The following HLCS variants were observed in gnomAD, a reference collection of about 807,000 sequenced individuals.
HLCS encodes the protein biotin--protein ligase.
In HLCS, 53 loss-of-function variants were observed where a neutral mutation model predicts 75.0. The ratio of observed to expected loss-of-function variants is 0.71; its 90% CI spans 0.57 to 0.89. The LOEUF is 0.89. Among genes scored for constraint, HLCS ranks in the 40% least tolerant of loss-of-function variants. HLCS has a pLI of 0.00. For missense variants in HLCS, 966 were observed against 1,074.0 expected (o/e 0.90, Z 1.41); for synonymous variants, 431 against 428.6 (o/e 1.01, Z -0.07).
In HLCS at chr21:36,750,446, G is replaced by GT. The variant is rs2089331376; in HGVS notation, c.*3799dup. 6.6e-6 allele frequency among the ~76,000 whole-genome samples: 1 copy of GT among 152,110 alleles called. No homozygotes were observed. The highest frequency in any genetic ancestry group is 2.4e-5 in the African/African-American group (1 of 41,412). Reference sequence around the variant, plus strand: ...CTGGGTGTGGAGGGCAGCGCGGAGGGTATCTGCAAGAGCCTGTATTTTCCG... The same window carrying GT: ...CTGGGTGTGGAGGGCAGCGCGGAGGGTTATCTGCAAGAGCCTGTATTTTCCG... On this transcript the variant is annotated 3_prime_UTR_variant, in exon 11 of 11. Coordinates refer to ENST00000674895, the MANE Select transcript of HLCS (RefSeq NM_001352514.2).
chr21:36,770,297 C>A (rs1426416891), intron 6 of HLCS, among the ~76,000 whole-genome samples: 1 of 151,932 alleles, frequency 6.6e-6, no homozygotes, highest in Non-Finnish European at 1.5e-5. Flanking sequence ...CAGGTGTGCA[C>A]CACCATGCCC....
intron 8 of HLCS, among the ~76,000 whole-genome samples, chr21:36,764,677 C>T (rs778910579): frequency 1.3e-5 from 2 of 151,990 alleles, no homozygotes; most frequent in Admixed American, 6.6e-5. Flanking sequence ...TGCACTCCAG[C>T]GTGGGTGACA....
intron 2 of HLCS, among the ~76,000 whole-genome samples, chr21:36,958,278 T>C (rs1022838740): frequency 7.7e-6 from 1 of 130,046 alleles, no homozygotes; most frequent in Non-Finnish European, 1.7e-5. Flanking sequence ...AGAAAGAAAA[T>C]TAGCCCTGAG....
chr21:36,877,841 T>G (rs185030357), intron 6 of HLCS, among the ~76,000 whole-genome samples: 16 of 152,328 alleles, frequency 1.1e-4, no homozygotes, highest in Admixed American at 1.0e-3. Flanking sequence ...AACATTTTGT[T>G]GGATATGGAA....
chr21:36,849,694 C>G (rs1353691786), intron 6 of HLCS, among the ~76,000 whole-genome samples: 1 of 152,250 alleles, frequency 6.6e-6, no homozygotes, highest in Non-Finnish European at 1.5e-5. Context: ...CTGTCTTTGG[C>G]TTCTGGCTTG....
At chr21:36,857,570 T>C (rs1421585269) in intron 6 of HLCS, among the ~76,000 whole-genome samples, 1 of 152,146 alleles carries the variant, frequency 6.6e-6, no homozygotes, top group East Asian at 1.9e-4. Flanking sequence ...CATGCCAATG[T>C]CCTCACATCG....
chr21:36,945,973 A>G (rs1353730134), intron 2 of HLCS: 3 of 243,566 alleles, frequency 1.2e-5, no homozygotes, highest in Admixed American at 6.5e-5. Context: ...CCATGCTTCA[A>G]TGTCCTGTCT....
chr21:36,959,319 C>T (rs2068148370), intron 2 of HLCS, among the ~76,000 whole-genome samples: 1 of 152,200 alleles, frequency 6.6e-6, no homozygotes, highest in African/African-American at 2.4e-5. Context: ...GCCACCTCAG[C>T]CCCCCTCTAG....
intron 6 of HLCS, among the ~76,000 whole-genome samples, chr21:36,895,061 G>A (rs544218021): frequency 3.3e-5 from 5 of 149,810 alleles, no homozygotes; most frequent in East Asian, 1.9e-4. Context: ...TCTTGGTGAC[G>A]CGCTGCCCTC....
intron 6 of HLCS, among the ~76,000 whole-genome samples, chr21:36,799,630 G>A (rs1419041554): frequency 1.3e-5 from 2 of 152,110 alleles, no homozygotes; most frequent in African/African-American, 4.8e-5. Context: ...AGAAGGGAAG[G>A]GGCTGCGGCC....
intron 2 of HLCS, among the ~76,000 whole-genome samples, chr21:36,954,377 G>T (rs897635544): frequency 2.6e-5 from 4 of 152,040 alleles, no homozygotes; most frequent in Non-Finnish European, 5.9e-5. Context: ...CACTTTGGGA[G>T]GCTGAGGCAG....
At chr21:36,871,486 C>T (rs2063767820) in intron 6 of HLCS, among the ~76,000 whole-genome samples, 1 of 152,082 alleles carries the variant, frequency 6.6e-6, no homozygotes, top group South Asian at 2.1e-4. Flanking sequence ...CCACAGACGG[C>T]CCTTTATCAG....
chr21:36,822,423 C>CT (rs1455845587), intron 6 of HLCS, among the ~76,000 whole-genome samples: 2 of 151,874 alleles, frequency 1.3e-5, no homozygotes, highest in South Asian at 2.1e-4. Context: ...GAGCAAGACT[C>CT]TGTCTTGGAA....
chr21:36,823,415 A>C (rs2061904943), intron 6 of HLCS, among the ~76,000 whole-genome samples: 1 of 152,198 alleles, frequency 6.6e-6, no homozygotes, highest in South Asian at 2.1e-4. Flanking sequence ...TAATACAAAT[A>C]ATACGAATCT....
At chr21:36,777,358 G>A (rs2060390644) in intron 6 of HLCS, among the ~76,000 whole-genome samples, 1 of 151,968 alleles carries the variant, frequency 6.6e-6, no homozygotes, top group Non-Finnish European at 1.5e-5. Context: ...AATTTTTTCT[G>A]ACCCTTTAAA....
At chr21:36,887,315 T>C (rs2064514194) in intron 6 of HLCS, among the ~76,000 whole-genome samples, 1 of 152,140 alleles carries the variant, frequency 6.6e-6, no homozygotes, top group African/African-American at 2.4e-5. Flanking sequence ...ACATCAACGC[T>C]GAGAGGACAC....
chr21:36,780,773 C>G (rs910918595), intron 6 of HLCS, among the ~76,000 whole-genome samples: 2 of 152,218 alleles, frequency 1.3e-5, no homozygotes, highest in South Asian at 4.1e-4. Flanking sequence ...CACACAGCCG[C>G]GCAGAGATAC....
intron 6 of HLCS, among the ~76,000 whole-genome samples, chr21:36,819,686 A>C (rs8134086): frequency 0.47 from 71,622 of 151,902 alleles, 19,571 homozygotes; most frequent in African/African-American, 0.76. Context: ...AGACAGAACA[A>C]CTGAGGCTCA....
At chr21:36,847,727 G>A (rs1189328199) in intron 6 of HLCS, among the ~76,000 whole-genome samples, 2 of 152,076 alleles carry the variant, frequency 1.3e-5, no homozygotes, top group African/African-American at 4.8e-5. Flanking sequence ...TCTTTCAACA[G>A]GGTTTATTGT....
Sources: allele counts gnomAD v4.1 joint callset (sites outside exome capture counted in the v4.1 genomes callset), GRCh38; gene constraint gnomAD v4.1.1; transcripts MANE v1.5; gene names NCBI Gene and HGNC (gene_info 2026-07-23, HGNC 2026-07-21).